Variants in AK5 observed in about 807,000 individuals in gnomAD.
The protein encoded by AK5 is adenylate kinase isoenzyme 5.
A neutral mutation model predicts 69.5 loss-of-function variants in AK5; 27 were observed. That is an observed-to-expected ratio of 0.39 (90% CI 0.29 to 0.54). AK5 has a LOEUF of 0.54. Among genes scored for constraint, AK5 ranks in the 20% least tolerant of loss-of-function variants. AK5 has a pLI of 0.71. For synonymous variants in AK5, 260 were observed against 244.4 expected, an observed-to-expected ratio of 1.06 and a Z score of -0.60; for missense variants, 531 against 700.4, an observed-to-expected ratio of 0.76 and a Z score of 2.73.
chr1:77,322,536 TG>T (rs1341737328), intron 5 of AK5, among the ~76,000 whole-genome samples: 3 of 152,132 alleles, frequency 2.0e-5, no homozygotes, highest in African/African-American at 7.2e-5. Context: ...TGGAGATTCT[TG>T]GGATTTTAAA....
chr1:77,347,247 T>C (rs1288855211), intron 6 of AK5, among the ~76,000 whole-genome samples: 1 of 152,218 alleles, frequency 6.6e-6, no homozygotes, highest in African/African-American at 2.4e-5. Context: ...AAGTAAACAG[T>C]GCCTTCTGGC....
chr1:77,513,651 TC>T (rs1013338496), intron 10 of AK5, among the ~76,000 whole-genome samples: 13 of 152,138 alleles, frequency 8.5e-5, no homozygotes, highest in African/African-American at 2.7e-4. Flanking sequence ...ACCAGCCTGG[TC>T]AACGTGGTGA....
At chr1:77,315,805 TATA>T (rs1660215716) in intron 5 of AK5, among the ~76,000 whole-genome samples, 2 of 151,746 alleles carry the variant, frequency 1.3e-5, no homozygotes, top group East Asian at 1.9e-4. Flanking sequence ...GAACAGAAGA[TATA>T]ATATTTCTTT....
chr1:77,367,763 AATATATGTTATATATAATATATGTTAT>A lies in AK5; in HGVS notation c.891+27200_891+27226del, dbSNP rs1557533799. ...GTTATATGTTATATATGTTATATATAATATATGTTATATATAATATATGTTATATATGTTATATATAATATATGTTAT... is the reference window on the plus strand; with the variant it reads ...GTTATATGTTATATATGTTATATATAATATGTTATATATAATATATGTTAT... On this transcript the variant is annotated intron_variant, in intron 6 of 13. Coordinates refer to ENST00000354567, the MANE Select transcript of AK5 (RefSeq NM_174858.3). Among the ~76,000 whole-genome samples, 6 of 6,260 alleles carry A rather than the reference AATATATGTTATATATAATATATGTTAT, an allele frequency of 9.6e-4. 1 individual carries two copies. The East Asian group carries it at 0.067, about 70-fold the overall frequency. 4.1% of individuals were successfully genotyped at this position (6,260 alleles called of 152,430 possible).
At chr1:77,527,585 G>T (rs1055604583) in intron 12 of AK5, among the ~76,000 whole-genome samples, 1 of 152,158 alleles carries the variant, frequency 6.6e-6, no homozygotes, top group Non-Finnish European at 1.5e-5. Context: ...GCATACAACC[G>T]TTAAGTGAGA....
At chr1:77,428,944 A>G (rs1570105408) in intron 8 of AK5, among the ~76,000 whole-genome samples, 3 of 152,316 alleles carry the variant, frequency 2.0e-5, no homozygotes, top group East Asian at 3.9e-4. Context: ...CATCATTTTT[A>G]TGGCTGCATA....
chr1:77,475,377 A>ATT (rs1557619703), intron 8 of AK5, among the ~76,000 whole-genome samples: 1 of 104,034 alleles, frequency 9.6e-6, no homozygotes, highest in South Asian at 2.9e-4. Flanking sequence ...ACAAATATAT[A>ATT]TTATATATAT....
intron 5 of AK5, among the ~76,000 whole-genome samples, chr1:77,335,895 A>G (rs147940188): frequency 1.3e-5 from 2 of 152,306 alleles, no homozygotes; most frequent in East Asian, 3.9e-4. Context: ...TTTGGTGTCT[A>G]GTGAGGGCCT....
intron 5 of AK5, among the ~76,000 whole-genome samples, chr1:77,304,832 C>T (rs1225713956): frequency 6.6e-6 from 1 of 152,162 alleles, no homozygotes; most frequent in Non-Finnish European, 1.5e-5. Context: ...ATACTGATTT[C>T]CTTTCTTTTG....
chr1:77,504,213 C>T (rs1048652836), intron 10 of AK5, among the ~76,000 whole-genome samples: 1 of 152,154 alleles, frequency 6.6e-6, no homozygotes, highest in East Asian at 1.9e-4. Context: ...TTATTTCCCC[C>T]TAAGTCATGT....
intron 5 of AK5, among the ~76,000 whole-genome samples, chr1:77,304,916 T>G (rs749338655): frequency 6.6e-6 from 1 of 152,220 alleles, no homozygotes; most frequent in Non-Finnish European, 1.5e-5. Context: ...ACCTCCAAAC[T>G]GTTCTTCCTA....
intron 8 of AK5, among the ~76,000 whole-genome samples, chr1:77,436,186 T>C (rs1651948960): frequency 6.6e-6 from 1 of 152,142 alleles, no homozygotes; most frequent in Non-Finnish European, 1.5e-5. Context: ...CTATTTCCTT[T>C]CTAAATTCGT....
chr1:77,446,610 G>A (rs1337641541), intron 8 of AK5, among the ~76,000 whole-genome samples: 1 of 151,976 alleles, frequency 6.6e-6, no homozygotes, highest in African/African-American at 2.4e-5. Context: ...ATAGCTTTCA[G>A]TATACAGGTC....
chr1:77,504,436 T>C (rs1656911251), intron 10 of AK5, among the ~76,000 whole-genome samples: 1 of 71,872 alleles, frequency 1.4e-5, no homozygotes, highest in Non-Finnish European at 3.5e-5. Flanking sequence ...TCTGTGTATA[T>C]ATATATTTTT....
intron 6 of AK5, among the ~76,000 whole-genome samples, chr1:77,401,074 T>TAG (rs1418288245): frequency 6.6e-6 from 1 of 152,140 alleles, no homozygotes. Flanking sequence ...CACGTCCACT[T>TAG]AGGTGTTTCT....
intron 6 of AK5, among the ~76,000 whole-genome samples, chr1:77,376,664 G>A (rs1235564750): frequency 2.0e-5 from 3 of 152,136 alleles, no homozygotes; most frequent in South Asian, 2.1e-4. Context: ...AGTCTGGCCA[G>A]GCACAGTGGC....
chr1:77,470,204 CAAT>C (rs1320183352), intron 8 of AK5, among the ~76,000 whole-genome samples: 1 of 152,122 alleles, frequency 6.6e-6, no homozygotes, highest in Non-Finnish European at 1.5e-5. Context: ...GTCAGGAGCT[CAAT>C]AAATAATGCA....
chr1:77,296,322 T>C (rs1386685929), intron 3 of AK5, among the ~76,000 whole-genome samples: 2 of 152,146 alleles, frequency 1.3e-5, no homozygotes, highest in African/African-American at 2.4e-5. Context: ...TTATAAGTTT[T>C]AGAGATAAGT....
intron 8 of AK5, among the ~76,000 whole-genome samples, chr1:77,428,399 C>T (rs537097131): frequency 2.6e-5 from 4 of 152,284 alleles, no homozygotes; most frequent in African/African-American, 9.6e-5. Flanking sequence ...TTCAGCTATC[C>T]AGAGGAACAA....
Sources: allele counts gnomAD v4.1 joint callset (sites outside exome capture counted in the v4.1 genomes callset), GRCh38; gene constraint gnomAD v4.1.1; transcripts MANE v1.5; gene names NCBI Gene and HGNC (gene_info 2026-07-23, HGNC 2026-07-21).